The following KDM4C variants were observed in gnomAD, a reference collection of about 807,000 sequenced individuals.
KDM4C encodes the protein lysine demethylase 4C, also known as lysine-specific demethylase 4C.
In KDM4C, 81 loss-of-function variants were observed where a neutral mutation model predicts 129.3. The ratio of observed to expected loss-of-function variants is 0.63; its 90% CI spans 0.52 to 0.75. The LOEUF (loss-of-function observed/expected upper bound fraction) is 0.75. KDM4C is among the 30% of genes least tolerant of loss of function. KDM4C has a pLI of 0.00. For synonymous variants in KDM4C, 573 were observed against 456.1 expected (o/e 1.26, Z -3.26); for missense variants, 1,457 against 1,304.0 (o/e 1.12, Z -1.81).
chr9:7,034,889 C>G (rs564134455), intron 15 of KDM4C, among the ~76,000 whole-genome samples: 1 of 152,274 alleles, frequency 6.6e-6, no homozygotes, highest in South Asian at 2.1e-4. Flanking sequence ...GAAAGGATAA[C>G]TCATTGTAGT....
At chr9:7,090,063 G>T (rs1835617342) in intron 17 of KDM4C, among the ~76,000 whole-genome samples, 1 of 152,200 alleles carries the variant, frequency 6.6e-6, no homozygotes, top group African/African-American at 2.4e-5. Flanking sequence ...TCCAATGCTT[G>T]AAACCCCCAG....
intron 8 of KDM4C, among the ~76,000 whole-genome samples, chr9:6,930,647 T>C (rs1424202951): frequency 7.0e-6 from 1 of 142,348 alleles, no homozygotes; most frequent in Non-Finnish European, 1.5e-5. Flanking sequence ...GTAATATGAA[T>C]ACATACTACA....
rs148455508 is a variant in KDM4C at position 6,870,809 on chromosome 9, T to C, written c.630-9203T>C. On this transcript the variant is annotated intron_variant, in intron 5 of 21. Coordinates refer to ENST00000381309, the MANE Select transcript of KDM4C (RefSeq NM_015061.6). ...AAACATAAATAAGGGAGGAAATGACTACTTCACACGGCCTTAGTTAGGCGC... is the reference window on the plus strand; with the variant it reads ...AAACATAAATAAGGGAGGAAATGACCACTTCACACGGCCTTAGTTAGGCGC... 8.1e-3 allele frequency among the ~76,000 whole-genome samples: 1,170 copies of C among 144,980 alleles called. 12 individuals are homozygous for C. Among genetic ancestry groups the C allele is most frequent in the Admixed American group, 0.017 (249 of 14,462 alleles).
At chr9:7,173,900 GT>G (rs1405688986) in intron 21 of KDM4C, among the ~76,000 whole-genome samples, 1 of 152,228 alleles carries the variant, frequency 6.6e-6, no homozygotes, top group Non-Finnish European at 1.5e-5. Flanking sequence ...AGCCAGGGGT[GT>G]GGGCACAAAG....
At chr9:7,127,882 A>G (rs2133346030) in intron 18 of KDM4C, 184 bp from the exon 19 acceptor site, 2 of 528,518 alleles carry the variant, frequency 3.8e-6, no homozygotes. Context: ...TAGTGTTTAT[A>G]CTATTTGTCT....
At chr9:7,159,666 T>G (rs992441849) in intron 19 of KDM4C, among the ~76,000 whole-genome samples, 3 of 152,312 alleles carry the variant, frequency 2.0e-5, no homozygotes, top group Admixed American at 2.0e-4. Context: ...GGCCCCCACT[T>G]TCTTCTGGCT....
intron 4 of KDM4C, among the ~76,000 whole-genome samples, chr9:6,820,652 C>G (rs1188703475): frequency 6.6e-6 from 1 of 150,854 alleles, no homozygotes; most frequent in Admixed American, 6.6e-5. Context: ...TAGTCATCCT[C>G]GACAGAAGAG....
intron 17 of KDM4C, among the ~76,000 whole-genome samples, chr9:7,075,850 T>C (rs143058004): frequency 1.6e-3 from 239 of 152,100 alleles, no homozygotes; most frequent in African/African-American, 5.2e-3. Context: ...TTCACTCCTG[T>C]CACCCAGGCT....
intron 8 of KDM4C, among the ~76,000 whole-genome samples, chr9:6,906,744 T>C (rs1159278304): frequency 6.6e-6 from 1 of 152,204 alleles, no homozygotes; most frequent in African/African-American, 2.4e-5. Context: ...GCCAGGCAGG[T>C]TTGGTTTTTA....
intron 1 of KDM4C, among the ~76,000 whole-genome samples, chr9:6,744,854 G>C (rs980781444): frequency 1.3e-5 from 2 of 152,204 alleles, no homozygotes; most frequent in East Asian, 3.9e-4. Flanking sequence ...AGGGCAAGGT[G>C]GGGGGTGGGG....
rs796243081 is a variant in KDM4C, at chr9:6,964,954, G to GA, written c.922-15960dup. 1.4e-3 allele frequency among the ~76,000 whole-genome samples: 200 copies of GA among 143,864 alleles called. 1 individual carries two copies. Among genetic ancestry groups the GA allele is most frequent in the Admixed American group, 2.5e-3 (36 of 14,436 alleles). 94.4% of individuals were successfully genotyped at this position (143,864 alleles called of 152,430 possible). On this transcript the variant is annotated intron_variant, in intron 8 of 21. Coordinates refer to ENST00000381309, the MANE Select transcript of KDM4C (RefSeq NM_015061.6). Reference sequence around the variant, plus strand: ...GGGCTACAGAGTGAGACTTCGTCGGGAAAAAAAAAAAGCAAAGTGAACGTA... The same window carrying GA: ...GGGCTACAGAGTGAGACTTCGTCGGGAAAAAAAAAAAAGCAAAGTGAACGTA...
chr9:6,770,694 T>C (rs936068057), intron 1 of KDM4C, among the ~76,000 whole-genome samples: 2 of 150,358 alleles, frequency 1.3e-5, no homozygotes, highest in African/African-American at 4.9e-5. Context: ...TTATTGTGTT[T>C]GATGTTTTTC....
intron 15 of KDM4C, among the ~76,000 whole-genome samples, chr9:7,037,888 C>G (rs995134): frequency 0.035 from 5,275 of 152,020 alleles, 134 homozygotes; most frequent in South Asian, 0.095. Context: ...GCAGTATAGC[C>G]AGATCTTTGT....
chr9:7,025,323 C>G (rs1271512435), intron 15 of KDM4C, among the ~76,000 whole-genome samples: 2 of 152,072 alleles, frequency 1.3e-5, no homozygotes, highest in Non-Finnish European at 2.9e-5. Flanking sequence ...CAGAGCCACT[C>G]TGTGTCTTTT....
chr9:6,844,344 C>T (rs1837484479), intron 4 of KDM4C, among the ~76,000 whole-genome samples: 1 of 152,150 alleles, frequency 6.6e-6, no homozygotes, highest in African/African-American at 2.4e-5. Flanking sequence ...TGTGACCATT[C>T]TCTAGCCACC....
intron 15 of KDM4C, among the ~76,000 whole-genome samples, chr9:7,046,326 C>T (rs1470026380): frequency 6.6e-6 from 1 of 151,910 alleles, no homozygotes; most frequent in Non-Finnish European, 1.5e-5. Flanking sequence ...CTTTTTATAA[C>T]ACTATTTGCC....
chr9:6,965,928 A>G (rs896457486), intron 8 of KDM4C, among the ~76,000 whole-genome samples: 14 of 152,216 alleles, frequency 9.2e-5, no homozygotes, highest in Admixed American at 3.3e-4. Flanking sequence ...AAAATTAACC[A>G]TCACAATAAG....
chr9:7,054,564 C>T (rs1326277031), intron 17 of KDM4C, among the ~76,000 whole-genome samples: 5 of 151,986 alleles, frequency 3.3e-5, no homozygotes, highest in South Asian at 2.1e-4. Context: ...AGGAAGAAGG[C>T]GGTAGGGTTT....
intron 1 of KDM4C, among the ~76,000 whole-genome samples, chr9:6,724,994 G>A (rs1817074870): frequency 6.6e-6 from 1 of 152,046 alleles, no homozygotes; most frequent in Non-Finnish European, 1.5e-5. Flanking sequence ...GGGGAGGATC[G>A]GTTTCCTTGC....
Sources: gnomAD v4.1 joint callset for allele counts (sites outside exome capture counted in the v4.1 genomes callset) on GRCh38, gnomAD v4.1.1 for gene constraint, MANE v1.5 for transcripts, NCBI Gene and HGNC (gene_info 2026-07-23, HGNC 2026-07-21) for gene names.